The following MYO5A variants were observed in gnomAD, a reference collection of about 807,000 sequenced individuals.
MYO5A encodes the protein unconventional myosin-Va.
A neutral mutation model predicts 249.7 loss-of-function variants in MYO5A; 98 were observed. The observed-to-expected ratio is 0.39, with a 90% confidence interval of 0.33 to 0.46. The LOEUF (loss-of-function observed/expected upper bound fraction) is 0.46. MYO5A is among the 20% of genes least tolerant of loss of function. The probability of loss-of-function intolerance (pLI) is 0.98; values close to 1 mark genes in which losing one functional copy is unlikely to be tolerated. For synonymous variants in MYO5A, 778 were observed against 810.6 expected (o/e 0.96, Z 0.68); for missense variants, 1,696 against 2,308.8 (o/e 0.73, Z 5.44).
At chr15:52,523,812 G>A (rs2077672947) in intron 1 of MYO5A, among the ~76,000 whole-genome samples, 1 of 152,218 alleles carries the variant, frequency 6.6e-6, no homozygotes, top group Non-Finnish European at 1.5e-5. Context: ...CATGACAGGA[G>A]ACTTGAGGAC....
chr15:52,385,927 T>C (rs766345998), intron 14 of MYO5A, among the ~76,000 whole-genome samples: 26 of 152,104 alleles, frequency 1.7e-4, no homozygotes, highest in Non-Finnish European at 2.6e-4. Context: ...TGCAAATGAT[T>C]TGTCAGAATG....
chr15:52,333,419 T>C (rs2038977878), intron 34 of MYO5A, among the ~76,000 whole-genome samples: 1 of 152,188 alleles, frequency 6.6e-6, no homozygotes, highest in Non-Finnish European at 1.5e-5. Flanking sequence ...AAGATTTCTG[T>C]GGGAAAATTT....
intron 1 of MYO5A, among the ~76,000 whole-genome samples, chr15:52,513,659 G>A (rs1476588033): frequency 6.6e-6 from 1 of 151,666 alleles, no homozygotes; most frequent in African/African-American, 2.4e-5. Context: ...TCGAACTCCT[G>A]ACCCCAGGTG....
rs73406680 is a variant in MYO5A at position 52,310,198 on chromosome 15, C to A, written c.*3498G>T. 6.6e-6 allele frequency: 1 copy of A among 152,112 alleles called. No homozygotes were observed. The highest frequency in any genetic ancestry group is 1.5e-5 in the Non-Finnish European group (1 of 68,018). 9.4% of individuals were successfully genotyped at this position (152,112 alleles called of 1,614,324 possible). A position where few individuals can be genotyped will look rare whatever the true frequency, so the allele number is the denominator to read the frequency against. On this transcript the variant is annotated 3_prime_UTR_variant, in exon 42 of 42. Coordinates refer to ENST00000399233, the MANE Select transcript of MYO5A (RefSeq NM_001382347.1). ...TATGTTTTTGTGCTTCTGCACCTGACAAAAGAAGCATCAGATATGTGGAAA... is the reference window on the plus strand; with the variant it reads ...TATGTTTTTGTGCTTCTGCACCTGAAAAAAGAAGCATCAGATATGTGGAAA...
intron 1 of MYO5A, chr15:52,435,681 A>AT: frequency 4.4e-6 from 2 of 455,262 alleles, no homozygotes; most frequent in South Asian, 3.1e-5. Context: ...GGCTGGTAAA[A>AT]TTTTTTACTT....
intron 1 of MYO5A, among the ~76,000 whole-genome samples, chr15:52,487,819 C>A (rs2076854854): frequency 6.6e-6 from 1 of 152,050 alleles, no homozygotes; most frequent in South Asian, 2.1e-4. Context: ...ACTTGTACGG[C>A]CGGCGTTCCT....
At chr15:52,445,187 T>C (rs74382107) in intron 1 of MYO5A, among the ~76,000 whole-genome samples, 2,258 of 152,340 alleles carry the variant, frequency 0.015, 27 homozygotes, top group South Asian at 0.024. Flanking sequence ...AGATCCCTCA[T>C]GGCTTGCTAC....
At chr15:52,470,785 G>C (rs962991602) in intron 1 of MYO5A, among the ~76,000 whole-genome samples, 4 of 152,158 alleles carry the variant, frequency 2.6e-5, no homozygotes, top group African/African-American at 9.7e-5. Context: ...CACTTTGGGA[G>C]GCCAAGGAGG....
chr15:52,340,428 C>T (rs765164139), intron 31 of MYO5A, 34 bp from the exon 32 acceptor site: 21 of 1,597,108 alleles, frequency 1.3e-5, no homozygotes, highest in Non-Finnish European at 1.5e-5. Flanking sequence ...GAAGGGGAGA[C>T]GACACCCCGA....
In MYO5A at chr15:52,379,627, G is replaced by C. The variant is rs1264801304; in HGVS notation, c.2206C>G (p.Leu736Val). The change falls in exon 18 of 42, where the codon CTG becomes GTG. Residue 736 changes from leucine (L) to valine (V), a missense_variant and splice_region_variant. This residue lies in a region of MYO5A where 277 missense variants were observed against 422.4 expected (regional missense o/e 0.66). Transcript: ENST00000399233. ...ACGGTAAGCGAAATCATTCTCACCA[G>C]TATCAGTTTCTCTAACACATTCTTG... ...TCKNVLEKLI[L>V]DKDKYQFGKT... The C allele has an allele frequency of 3.1e-6, 5 of 1,612,180 alleles. No homozygotes were observed. The highest frequency in any genetic ancestry group is 1.7e-6 in the Non-Finnish European group (2 of 1,178,322).
At chr15:52,353,449 G>C (rs183886068) in intron 27 of MYO5A, among the ~76,000 whole-genome samples, 156 bp downstream of exon 27, 1 of 152,290 alleles carries the variant, frequency 6.6e-6, no homozygotes, top group African/African-American at 2.4e-5. Flanking sequence ...TTTATAAAAA[G>C]AAACAACACA....
intron 2 of MYO5A, among the ~76,000 whole-genome samples, chr15:52,429,376 A>AGACT (rs1177078818): frequency 6.6e-6 from 1 of 152,212 alleles, no homozygotes; most frequent in Non-Finnish European, 1.5e-5. Context: ...CAACATGGCA[A>AGACT]GACTCCGTCT....
At chr15:52,498,640 G>C (rs562487525) in intron 1 of MYO5A, among the ~76,000 whole-genome samples, 1 of 152,096 alleles carries the variant, frequency 6.6e-6, no homozygotes, top group Non-Finnish European at 1.5e-5. Flanking sequence ...CTATTAAGGT[G>C]TTAGTCTTTC....
At chr15:52,331,632 T>A in intron 34 of MYO5A, 1 of 977,298 alleles carries the variant, frequency 1.0e-6, no homozygotes, top group Non-Finnish European at 1.2e-6. Context: ...TCACTCTGGG[T>A]AATTTCCTGG....
At chr15:52,443,150 G>C (rs1056050345) in intron 1 of MYO5A, among the ~76,000 whole-genome samples, 26 of 152,126 alleles carry the variant, frequency 1.7e-4, no homozygotes, top group African/African-American at 6.3e-4. Flanking sequence ...CATGTCATCT[G>C]GTGAAACTTA....
At chr15:52,404,145 G>A (rs1390434087) in intron 9 of MYO5A, among the ~76,000 whole-genome samples, 1 of 151,764 alleles carries the variant, frequency 6.6e-6, no homozygotes, top group Non-Finnish European at 1.5e-5. Flanking sequence ...TACACCTGTG[G>A]TCCCAGCTAC....
chr15:52,403,899 C>T (rs530365586), intron 9 of MYO5A, among the ~76,000 whole-genome samples: 4 of 152,056 alleles, frequency 2.6e-5, no homozygotes, highest in Admixed American at 1.3e-4. Context: ...TAAAGAAAAT[C>T]GTAAGGATCA....
intron 36 of MYO5A, among the ~76,000 whole-genome samples, chr15:52,325,288 G>C (rs555928281): frequency 2.4e-4 from 36 of 152,188 alleles, no homozygotes; most frequent in African/African-American, 8.2e-4. Flanking sequence ...TGGATGTAAC[G>C]GCACCTATAC....
At chr15:52,318,230 T>C (rs2038119804) in intron 39 of MYO5A, among the ~76,000 whole-genome samples, 1 of 150,826 alleles carries the variant, frequency 6.6e-6, no homozygotes, top group African/African-American at 2.4e-5. Flanking sequence ...CCGAGACAGG[T>C]GGATCACCTG....
Sources: gnomAD v4.1 joint callset for allele counts (sites outside exome capture counted in the v4.1 genomes callset) on GRCh38, gnomAD v4.1.1 for gene constraint, gnomAD v4.1.1 regional missense constraint, MANE v1.5 for transcripts, NCBI Gene and HGNC (gene_info 2026-07-23, HGNC 2026-07-21) for gene names.